Variants in RNF130 observed in about 807,000 individuals in gnomAD.
The protein encoded by RNF130 is E3 ubiquitin-protein ligase RNF130.
A neutral mutation model predicts 44.6 loss-of-function variants in RNF130; 21 were observed. The ratio of observed to expected loss-of-function variants is 0.47; its 90% CI spans 0.33 to 0.68. The LOEUF (loss-of-function observed/expected upper bound fraction) is 0.68. Ranked by LOEUF, RNF130 falls within the 30% of genes least tolerant of loss-of-function variation. RNF130 has a pLI of 0.02. For synonymous variants in RNF130, 214 were observed against 210.4 expected, an observed-to-expected ratio of 1.02 and a Z score of -0.15; for missense variants, 479 against 560.6, an observed-to-expected ratio of 0.85 and a Z score of 1.47.
chr5:180,069,423 G>A (rs941668288), intron 1 of RNF130, among the ~76,000 whole-genome samples: 48 of 143,490 alleles, frequency 3.3e-4, no homozygotes, highest in Admixed American at 3.0e-3. Context: ...CCCCCACCCC[G>A]AGAAAACCTG....
intron 2 of RNF130, among the ~76,000 whole-genome samples, chr5:180,033,857 C>T (rs1307850559): frequency 1.3e-5 from 2 of 152,042 alleles, no homozygotes; most frequent in African/African-American, 4.8e-5. Context: ...TTTATTTCTG[C>T]CTTTCCCAAC....
intron 7 of RNF130, among the ~76,000 whole-genome samples, chr5:179,945,942 G>A (rs1762031292): frequency 6.6e-6 from 1 of 152,004 alleles, no homozygotes; most frequent in Admixed American, 6.6e-5. Context: ...AATGGGGGCG[G>A]GGGCGATTCT....
At chr5:179,993,316 T>C (rs998920099) in intron 3 of RNF130, among the ~76,000 whole-genome samples, 1 of 152,232 alleles carries the variant, frequency 6.6e-6, no homozygotes, top group Admixed American at 6.5e-5. Flanking sequence ...TCCACAATGG[T>C]TGAACTAGTT....
chr5:179,992,393 C>T lies in RNF130; in HGVS notation c.694-12193G>A, dbSNP rs546308343. ...TCCTGACCTCGTGATCCACCCACCT[C>T]ATCCTCCCAAAGTGCTGGGATTACA... On this transcript the variant is annotated intron_variant, in intron 3 of 8. Coordinates refer to ENST00000521389, the MANE Select transcript of RNF130 (RefSeq NM_018434.6). Among the ~76,000 whole-genome samples the T allele has an allele frequency of 8.1e-4, 123 of 152,342 alleles. 1 individual carries two copies. In the South Asian group the frequency reaches 0.014, roughly 18 times the overall value.
exon 8 of RNF130, chr5:179,912,456 CCA>C (rs1439515741): frequency 1.1e-4 from 16 of 152,352 alleles, no homozygotes; most frequent in African/African-American, 3.6e-4. Context: ...GTCCCAAGCC[CCA>C]GTCAGGAGAT....
At chr5:179,934,260 G>A (rs1372194211) in intron 7 of RNF130, 1 of 156,446 alleles carries the variant, frequency 6.4e-6, no homozygotes, top group Admixed American at 6.3e-5. Context: ...TTCAGTCGTG[G>A]TAAATATATT....
At chr5:180,035,299 T>G (rs1468181903) in intron 2 of RNF130, among the ~76,000 whole-genome samples, 1 of 152,250 alleles carries the variant, frequency 6.6e-6, no homozygotes, top group Non-Finnish European at 1.5e-5. Context: ...GTTATTTAGA[T>G]GTGTGCTGCT....
intron 3 of RNF130, among the ~76,000 whole-genome samples, chr5:180,003,735 C>T (rs1763399754): frequency 1.3e-5 from 2 of 152,258 alleles, no homozygotes; most frequent in South Asian, 4.1e-4. Flanking sequence ...CCGGCTAACT[C>T]TCAAGTACCT....
intron 1 of RNF130, among the ~76,000 whole-genome samples, chr5:180,047,191 T>G (rs1298486894): frequency 6.6e-6 from 1 of 152,226 alleles, no homozygotes; most frequent in Non-Finnish European, 1.5e-5. Context: ...TCTTTAAATT[T>G]CCTGCTTCTA....
At chr5:180,043,568 C>T (rs887038219) in intron 1 of RNF130, among the ~76,000 whole-genome samples, 4 of 151,980 alleles carry the variant, frequency 2.6e-5, no homozygotes, top group African/African-American at 9.7e-5. Context: ...TGTCACAGTC[C>T]ACTCAGAAGA....
At chr5:179,975,148 C>T (rs867652057) in intron 5 of RNF130, among the ~76,000 whole-genome samples, 4 of 152,232 alleles carry the variant, frequency 2.6e-5, no homozygotes, top group South Asian at 2.1e-4. Flanking sequence ...CAGAAAGCCA[C>T]AGCAGGTAAC....
downstream of RNF130, among the ~76,000 whole-genome samples, chr5:179,950,650 C>A (rs248327): frequency 6.6e-6 from 1 of 152,090 alleles, no homozygotes; most frequent in South Asian, 2.1e-4. Context: ...CCCAATCTAT[C>A]AATTCACTCA....
intron 5 of RNF130, 28 bp downstream of exon 5, chr5:179,978,175 C>A (rs1561678018): frequency 6.4e-7 from 1 of 1,572,184 alleles, no homozygotes; most frequent in South Asian, 1.1e-5. Flanking sequence ...TAATATCATT[C>A]TTTCTCAAAC....
chr5:180,033,866 A>G (rs1764190675), intron 2 of RNF130, among the ~76,000 whole-genome samples: 2 of 152,208 alleles, frequency 1.3e-5, no homozygotes, highest in Admixed American at 6.5e-5. Flanking sequence ...GCCTTTCCCA[A>G]CTGGATGTCT....
chr5:179,920,362 G>A, exon 8 of RNF130: 1 of 702,476 alleles, frequency 1.4e-6, no homozygotes, highest in Admixed American at 2.0e-5. Flanking sequence ...GTTCGATGGT[G>A]GAGAATTCAC....
At chr5:179,975,293 G>A (rs868733873) in intron 5 of RNF130, among the ~76,000 whole-genome samples, 6 of 152,218 alleles carry the variant, frequency 3.9e-5, no homozygotes, top group East Asian at 3.9e-4. Context: ...GAAGAGCCGC[G>A]CACAGCCATC....
chr5:179,932,464 T>C (rs1044835019), intron 7 of RNF130, among the ~76,000 whole-genome samples: 1 of 151,920 alleles, frequency 6.6e-6, no homozygotes, highest in Non-Finnish European at 1.5e-5. Flanking sequence ...TTCACCATAT[T>C]GGTCAGGCTG....
chr5:179,941,934 C>T (rs561571166), intron 7 of RNF130, among the ~76,000 whole-genome samples: 2 of 152,170 alleles, frequency 1.3e-5, no homozygotes, highest in South Asian at 4.2e-4. Flanking sequence ...TTCTGCAAGT[C>T]TCTGTAAAAC....
At chr5:179,982,139 T>G (rs1762854595) in intron 3 of RNF130, among the ~76,000 whole-genome samples, 1 of 151,962 alleles carries the variant, frequency 6.6e-6, no homozygotes, top group South Asian at 2.1e-4. Flanking sequence ...ATAAATGGAA[T>G]AGATACAGTA....
Sources: gnomAD v4.1 joint callset for allele counts (sites outside exome capture counted in the v4.1 genomes callset) on GRCh38, gnomAD v4.1.1 for gene constraint, MANE v1.5 for transcripts, NCBI Gene and HGNC (gene_info 2026-07-23, HGNC 2026-07-21) for gene names.